RNF157: variants seen among roughly 807,000 people sequenced by gnomAD.
RNF157 encodes the protein E3 ubiquitin ligase RNF157.
A neutral mutation model predicts 88.3 loss-of-function variants in RNF157; 55 were observed. The observed-to-expected ratio is 0.62, with a 90% confidence interval of 0.50 to 0.78. The LOEUF (loss-of-function observed/expected upper bound fraction) is 0.78, where lower values mean the gene tolerates loss of function less well. RNF157 is among the 30% of genes least tolerant of loss of function. The pLI, the probability that RNF157 is intolerant of heterozygous loss-of-function variation, is 0.00. For synonymous variants in RNF157, 334 were observed against 341.2 expected (o/e 0.98, Z 0.23); for missense variants, 788 against 860.8 (o/e 0.92, Z 1.06).
At chr17:76,200,676 G>A (rs1217980574) in intron 2 of RNF157, among the ~76,000 whole-genome samples, 2 of 152,066 alleles carry the variant, frequency 1.3e-5, no homozygotes, top group African/African-American at 2.4e-5. Flanking sequence ...GTCACCCCTG[G>A]GGAAGGCGTG....
intron 2 of RNF157, among the ~76,000 whole-genome samples, chr17:76,185,582 G>A (rs1037406406): frequency 5.3e-5 from 8 of 151,112 alleles, no homozygotes; most frequent in African/African-American, 1.7e-4. Context: ...CCATTCTCCT[G>A]CCTCAGCCTC....
intron 2 of RNF157, among the ~76,000 whole-genome samples, chr17:76,183,317 C>T (rs1437787268): frequency 6.6e-6 from 1 of 152,080 alleles, no homozygotes; most frequent in African/African-American, 2.4e-5. Flanking sequence ...GGGGTAGGAA[C>T]TAGGAATCTG....
intron 2 of RNF157, among the ~76,000 whole-genome samples, chr17:76,174,683 G>A (rs907411926): frequency 5.3e-5 from 8 of 152,316 alleles, no homozygotes; most frequent in African/African-American, 1.7e-4. Flanking sequence ...CACAAAACAG[G>A]ACACCCAAGT....
chr17:76,151,555 C>T (rs201704419), intron 18 of RNF157, among the ~76,000 whole-genome samples: 2 of 152,184 alleles, frequency 1.3e-5, no homozygotes, highest in African/African-American at 2.4e-5. Flanking sequence ...TCGTGAAACC[C>T]GGAGGGGACA....
Position 76,156,193 on chromosome 17 carries a change from C to T in RNF157, c.1525+17G>A, listed in dbSNP as rs748478522. The T allele has an allele frequency of 6.3e-7, 1 of 1,596,418 alleles. No homozygotes were observed. The highest frequency in any genetic ancestry group is 1.1e-5 in the South Asian group (1 of 90,690). ...TAAGGGGGAAGGACATGCAGCCACT[C>T]CCCGCTCCTTATGTACCTTCTGGGG... On this transcript the variant is annotated intron_variant, in intron 14 of 18. Transcript: ENST00000269391.
Position 76,155,302 on chromosome 17 carries a change from A to T in RNF157, c.1714T>A (p.Ser572Thr). 1 of 1,613,966 alleles carries T rather than the reference A, an allele frequency of 6.2e-7. No individual in the cohort carries two copies. The highest frequency in any genetic ancestry group is 8.5e-7 in the Non-Finnish European group (1 of 1,179,962). The change falls in exon 16 of 19, where the codon TCT becomes ACT. Residue 572 changes from serine (S) to threonine (T), a missense_variant. By Grantham distance (58) the Ser-to-Thr change is moderately conservative. Transcript: ENST00000269391. ...SEEGEGLPAE[S>T]PDSNFAGLPA... ...AGGCCAGCAAAGTTGCTGTCTGGAG[A>T]CTCCGCTGGCAGCCCCTGCAGAAGA...
chr17:76,176,425 A>T lies in RNF157; in HGVS notation c.208-2635T>A, dbSNP rs1028912228. Among the ~76,000 whole-genome samples the T allele has an allele frequency of 5.3e-5, 8 of 151,932 alleles. No individual in the cohort carries two copies. The highest frequency in any genetic ancestry group is 2.1e-4 in the South Asian group (1 of 4,822). On this transcript the variant is annotated intron_variant, in intron 2 of 18. Transcript: ENST00000269391. The surrounding 1 kb of genome is among the most constrained non-coding windows in gnomAD (Gnocchi z 4.2). Reference sequence around the variant, plus strand: ...TAGGATCAGAGGCAAATTAAAAAAAATTTTTTTTCTGCTCTTAGAGTTGTC... The same window carrying T: ...TAGGATCAGAGGCAAATTAAAAAAATTTTTTTTTCTGCTCTTAGAGTTGTC...
Position 76,164,924 on chromosome 17 carries a change from C to T in RNF157, c.673-129G>A, listed in dbSNP as rs529870887. The stretch of plus-strand genomic sequence containing the variant: ...GTTTCATTTTCCATGGTTTCAATTA[C>T]CCGCCATCAACCACTGTCTGAAAAT... On this transcript the variant is annotated intron_variant, in intron 7 of 18. Coordinates refer to ENST00000269391, the MANE Select transcript of RNF157 (RefSeq NM_052916.3). 3.1e-4 allele frequency: 187 copies of T among 610,534 alleles called. 1 individual carries two copies. The highest frequency in any genetic ancestry group is 7.7e-4 in the Middle Eastern group (3 of 3,912). The allele number at this position is 610,534 out of a possible 1,614,324, so 37.8% of individuals were successfully genotyped here.
At chr17:76,156,107 G>A (rs1197788470) in intron 14 of RNF157, 103 bp downstream of exon 14, 4 of 860,686 alleles carry the variant, frequency 4.6e-6, no homozygotes, top group Non-Finnish European at 7.7e-6. Context: ...TGCAGTACAG[G>A]TATTAGCTTG....
chr17:76,187,633 G>A (rs757641388), intron 2 of RNF157, among the ~76,000 whole-genome samples: 2 of 148,506 alleles, frequency 1.3e-5, no homozygotes, highest in South Asian at 2.2e-4. Context: ...TCACTCTGTC[G>A]CCCAGGCTGG....
At position 76,164,778 on chromosome 17, in the gene RNF157, G is replaced by T. The variant is rs766806685; in HGVS notation, c.690C>A (p.Phe230Leu). 9.9e-6 allele frequency: 16 copies of T among 1,611,562 alleles called. No individual in the cohort carries two copies. The highest frequency in any genetic ancestry group is 6.7e-5 in the Admixed American group (4 of 59,940). ...GTFEKHTDGT[F>L]CVKPLKQKQV... ...GTTTCTGTTTGAGGGGCTTGACACA[G>T]AAAGTTCCATCTGTGTGCTGGAATG... Residue 230 changes from phenylalanine to leucine, a missense_variant, in exon 8 of 19, where the codon TTC becomes TTA. Transcript: ENST00000269391.
chr17:76,220,906 C>T (rs940875509), intron 1 of RNF157, among the ~76,000 whole-genome samples: 1 of 150,842 alleles, frequency 6.6e-6, no homozygotes, highest in Non-Finnish European at 1.5e-5. Context: ...TGTAGTGAGC[C>T]GAGATTGCGC....
rs1411067822 is a variant in RNF157, at chr17:76,161,242, C to T, written c.1065+293G>A. ...CAAAATAATCGTCCCATTGTTTCTG[C>T]CTGGGGGAGTTCAAGTTGAACCTCA... On this transcript the variant is annotated intron_variant, in intron 11 of 18. Coordinates refer to ENST00000269391, the MANE Select transcript of RNF157 (RefSeq NM_052916.3). This position sits in a 1 kb window ranked among gnomAD's most constrained non-coding sequence, Gnocchi z 4.6. Among the ~76,000 whole-genome samples the T allele has an allele frequency of 1.2e-4, 18 of 151,972 alleles. 1 individual carries two copies. Among genetic ancestry groups the T allele is most frequent in the Admixed American group, 1.2e-3 (18 of 15,252 alleles).
Position 76,146,224 on chromosome 17 carries a change from G to A in RNF157, c.1922-871C>T, listed in dbSNP as rs1331530015. 1 of 415,028 alleles carries A rather than the reference G, an allele frequency of 2.4e-6. No homozygotes were observed. Among genetic ancestry groups the A allele is most frequent in the Non-Finnish European group, 3.2e-6 (1 of 308,814 alleles). 25.7% of individuals were successfully genotyped at this position (415,028 alleles called of 1,614,324 possible). ...CTCCACTCCCAGTTTACAGCAGTGT[G>A]ACCTTGGGCACATCAGTTTACTGTG... On this transcript the variant is annotated intron_variant, in intron 18 of 18. Coordinates refer to ENST00000269391, the MANE Select transcript of RNF157 (RefSeq NM_052916.3). The surrounding 1 kb of genome is among the most constrained non-coding windows in gnomAD (Gnocchi z 4.2).
At chr17:76,200,179 T>C (rs540201225) in intron 2 of RNF157, among the ~76,000 whole-genome samples, 2 of 151,944 alleles carry the variant, frequency 1.3e-5, no homozygotes, top group South Asian at 4.2e-4. Context: ...GAAGCGGAGC[T>C]TGCAGTGAGC....
At chr17:76,145,387 G>C in intron 18 of RNF157, 34 bp from the exon 19 acceptor site, 1 of 1,550,718 alleles carries the variant, frequency 6.4e-7, no homozygotes, top group Non-Finnish European at 8.9e-7. Context: ...ACAGGAGCCA[G>C]ACCTTTGGCC....
rs905061593 is a variant in RNF157 at position 76,161,722 on chromosome 17, A to G, written c.953-75T>C. On this transcript the variant is annotated intron_variant, in intron 10 of 18. Transcript: ENST00000269391. This position sits in a 1 kb window ranked among gnomAD's most constrained non-coding sequence, Gnocchi z 4.6. ...ATGAACAAGAGCCCAGACAGAAACC[A>G]TGATCCCTCCCAGCGCGCATCCGTT... 1.4e-5 allele frequency: 22 copies of G among 1,531,070 alleles called. No homozygotes were observed. Among genetic ancestry groups the G allele is most frequent in the Non-Finnish European group, 1.8e-5 (20 of 1,115,392 alleles). The allele number at this position is 1,531,070 out of a possible 1,614,324, so 94.8% of individuals were successfully genotyped here. A position where few individuals can be genotyped will look rare whatever the true frequency, so the allele number is the denominator to read the frequency against.
intron 1 of RNF157, among the ~76,000 whole-genome samples, chr17:76,229,948 A>G (rs1381258264): frequency 6.6e-6 from 1 of 152,238 alleles, no homozygotes; most frequent in Non-Finnish European, 1.5e-5. Flanking sequence ...AGTACTGTTT[A>G]GGGTAACCAT....
At chr17:76,190,444 G>C (rs2069365261) in intron 2 of RNF157, among the ~76,000 whole-genome samples, 1 of 151,966 alleles carries the variant, frequency 6.6e-6, no homozygotes. Context: ...TGGGATTACA[G>C]GTGTGAGCCA....
Sources: gnomAD v4.1 joint callset for allele counts (sites outside exome capture counted in the v4.1 genomes callset) on GRCh38, gnomAD v4.1.1 for gene constraint, Gnocchi (gnomAD v3.1) non-coding constraint, MANE v1.5 for transcripts, NCBI Gene and HGNC (gene_info 2026-07-23, HGNC 2026-07-21) for gene names.